Variants in ANKS1A observed in about 807,000 individuals in gnomAD.
ANKS1A encodes ankyrin repeat and sterile alpha motif domain containing 1A.
ANKS1A carries 55 observed loss-of-function variants against 120.3 expected under a neutral mutation model. The ratio of observed to expected loss-of-function variants is 0.46; its 90% CI spans 0.37 to 0.57. ANKS1A has a LOEUF of 0.57. Among genes scored for constraint, ANKS1A ranks in the 20% least tolerant of loss-of-function variants. The probability of loss-of-function intolerance (pLI) is 0.00; values close to 1 mark genes in which losing one functional copy is unlikely to be tolerated. For synonymous variants in ANKS1A, 590 were observed against 604.7 expected (o/e 0.98, Z 0.36); for missense variants, 1,123 against 1,480.3 (o/e 0.76, Z 3.96).
intron 1 of ANKS1A, among the ~76,000 whole-genome samples, chr6:34,898,055 G>C (rs774561379): frequency 1.6e-4 from 25 of 152,172 alleles, no homozygotes; most frequent in Non-Finnish European, 4.4e-5. Context: ...ATGAGCTAAA[G>C]GATGTAAGGC....
At chr6:34,917,008 A>AT (rs1226604417) in intron 1 of ANKS1A, among the ~76,000 whole-genome samples, 1 of 152,080 alleles carries the variant, frequency 6.6e-6, no homozygotes, top group Non-Finnish European at 1.5e-5. Flanking sequence ...AGAATGGCTG[A>AT]TATTTAAGGG....
At chr6:35,017,389 T>A in intron 10 of ANKS1A, 84 bp from the exon 11 acceptor site, 1 of 1,400,746 alleles carries the variant, frequency 7.1e-7, no homozygotes, top group African/African-American at 1.4e-5. Context: ...TTCCTCTGCT[T>A]TGCCATATGC....
chr6:35,089,778 T>C lies in ANKS1A; in HGVS notation c.*1169T>C, dbSNP rs1008818129. The C allele has an allele frequency of 3.2e-5, 33 of 1,018,860 alleles. No individual in the cohort carries two copies. The highest frequency in any genetic ancestry group is 3.8e-5 in the Non-Finnish European group (32 of 850,920). 63.1% of individuals were successfully genotyped at this position (1,018,860 alleles called of 1,614,324 possible). A position where few individuals can be genotyped will look rare whatever the true frequency, so the allele number is the denominator to read the frequency against. ...TTGGGTTGCATTCTTCCCTCTGGAC[T>C]AGAGTAGAAATGCAGGGGAAACTGC... On this transcript the variant is annotated 3_prime_UTR_variant, in exon 24 of 24. Coordinates refer to ENST00000360359, the MANE Select transcript of ANKS1A (RefSeq NM_015245.3).
chr6:35,059,108 CCTGCCTGCTT>C (rs1302229383), intron 12 of ANKS1A, among the ~76,000 whole-genome samples: 14 of 152,252 alleles, frequency 9.2e-5, no homozygotes. Flanking sequence ...ACTGAATTTG[CCTGCCTGCTT>C]TCTACCTGAG....
Position 35,087,017 on chromosome 6 carries a change from C to A in ANKS1A, c.3369C>A (p.Pro1123=). The change falls in exon 23 of 24, where the codon CCC becomes CCA. Residue 1123 remains proline (P), a synonymous_variant. Coordinates refer to ENST00000360359, the MANE Select transcript of ANKS1A (RefSeq NM_015245.3). The part of the protein sequence containing the change: ...SHASVSWVVD[P]KPDSKRSLST... The stretch of plus-strand genomic sequence containing the variant: ...CCAGTGTCTCCTGGGTTGTGGACCC[C>A]AAACCAGACTCTAAGCGGAGCCTCA... The A allele has an allele frequency of 6.2e-7, 1 of 1,614,202 alleles. No homozygotes were observed. The highest frequency in any genetic ancestry group is 8.5e-7 in the Non-Finnish European group (1 of 1,180,022).
intron 13 of ANKS1A, among the ~76,000 whole-genome samples, chr6:35,071,431 A>G (rs1006437520): frequency 6.6e-6 from 1 of 152,178 alleles, no homozygotes; most frequent in Middle Eastern, 3.2e-3. Context: ...TCTTGTTGCT[A>G]CAGAGTCCGC....
chr6:34,900,078 T>C (rs926701872), intron 1 of ANKS1A, among the ~76,000 whole-genome samples: 9 of 152,362 alleles, frequency 5.9e-5, no homozygotes, highest in African/African-American at 1.9e-4. Flanking sequence ...TTTACATACA[T>C]GTATTTGCTC....
At chr6:34,924,339 A>C (rs1012747823) in intron 1 of ANKS1A, among the ~76,000 whole-genome samples, 4 of 152,174 alleles carry the variant, frequency 2.6e-5, no homozygotes, top group African/African-American at 9.7e-5. Flanking sequence ...CTCATAAAAA[A>C]GTTGAAGATT....
At chr6:35,092,856 T>C (rs1778349025), downstream of ANKS1A, among the ~76,000 whole-genome samples, 1 of 152,164 alleles carries the variant, frequency 6.6e-6, no homozygotes, top group Non-Finnish European at 1.5e-5. Flanking sequence ...CTCAGGCTCC[T>C]AGACAGCTGG....
chr6:35,008,020 C>T (rs935096522), intron 10 of ANKS1A, among the ~76,000 whole-genome samples: 1 of 152,114 alleles, frequency 6.6e-6, no homozygotes, highest in African/African-American at 2.4e-5. Context: ...CCCACTTTTA[C>T]TGTTGGTTTA....
rs116937088 is a variant in ANKS1A at position 34,979,807 on chromosome 6, C to T, written c.436-1883C>T. Among the ~76,000 whole-genome samples the T allele has an allele frequency of 2.9e-4, 44 of 152,290 alleles. No homozygotes were observed. In the East Asian group the frequency reaches 7.9e-3, roughly 27 times the overall value. Reference sequence around the variant, plus strand: ...CTTTCTTGGCTCTTTCTATCACACTCATCTTGAGATGTACAACCTGGAGAA... The same window carrying T: ...CTTTCTTGGCTCTTTCTATCACACTTATCTTGAGATGTACAACCTGGAGAA... On this transcript the variant is annotated intron_variant, in intron 3 of 23. Coordinates refer to ENST00000360359, the MANE Select transcript of ANKS1A (RefSeq NM_015245.3).
intron 11 of ANKS1A, 65 bp downstream of exon 11, chr6:35,018,124 C>G: frequency 6.7e-7 from 1 of 1,495,694 alleles, no homozygotes. Flanking sequence ...ACCACAGCTC[C>G]CGTGAGTGCC....
intron 11 of ANKS1A, among the ~76,000 whole-genome samples, chr6:35,041,834 G>A (rs1732470620): frequency 6.6e-6 from 1 of 152,200 alleles, no homozygotes; most frequent in South Asian, 2.1e-4. Context: ...CCAGAGGGAG[G>A]TGACCAGTCT....
At chr6:35,074,637 C>T (rs563292441) in intron 13 of ANKS1A, among the ~76,000 whole-genome samples, 44 of 152,312 alleles carry the variant, frequency 2.9e-4, no homozygotes, top group Admixed American at 1.0e-3. Context: ...TAGATTTGGT[C>T]CCAGAGCCAC....
chr6:34,968,583 G>T (rs911674834), intron 2 of ANKS1A, among the ~76,000 whole-genome samples: 9 of 151,824 alleles, frequency 5.9e-5, no homozygotes, highest in Admixed American at 5.2e-4. Flanking sequence ...GATTACAGGC[G>T]CCCGCCACCA....
intron 1 of ANKS1A, among the ~76,000 whole-genome samples, chr6:34,922,260 A>G (rs953110814): frequency 6.6e-6 from 1 of 152,146 alleles, no homozygotes; most frequent in Non-Finnish European, 1.5e-5. Flanking sequence ...TGGCACTGTT[A>G]TCCCCATTTT....
intron 11 of ANKS1A, among the ~76,000 whole-genome samples, chr6:35,047,309 T>A (rs1332247765): frequency 2.0e-5 from 3 of 152,326 alleles, no homozygotes; most frequent in East Asian, 3.9e-4. Context: ...AAGACCCCTT[T>A]CCCTGGCCAC....
rs755330516 is a variant in ANKS1A at position 35,079,579 on chromosome 6, G to T, written c.2347G>T (p.Gly783Trp). 8 of 1,614,046 alleles carry T rather than the reference G, an allele frequency of 5.0e-6. No individual in the cohort carries two copies. In the East Asian group the frequency reaches 1.8e-4, roughly 36 times the overall value. ...PSVPSWLDSL[G>W]LQDYVHSFLS... ...CGTGCCCTCCTGGCTGGACTCCCTG[G>T]GGCTGCAGGACTACGTCCATTCCTT... Residue 783 changes from glycine to tryptophan, a missense_variant, in exon 15 of 24, where the codon GGG becomes TGG. Physicochemically the swap from Gly to Trp is radical, Grantham distance 184. Around this residue, in one of 3 missense-constraint regions of ANKS1A, gnomAD observed 904 missense variants for 1,130.4 expected, o/e 0.80. Coordinates refer to ENST00000360359, the MANE Select transcript of ANKS1A (RefSeq NM_015245.3).
chr6:35,036,571 C>T (rs964903017), intron 11 of ANKS1A, among the ~76,000 whole-genome samples: 1 of 152,156 alleles, frequency 6.6e-6, no homozygotes, highest in African/African-American at 2.4e-5. Context: ...CCAGGTCTCT[C>T]GAGATTTGTT....
Sources: gnomAD v4.1 joint callset for allele counts (sites outside exome capture counted in the v4.1 genomes callset) on GRCh38, gnomAD v4.1.1 for gene constraint, gnomAD v4.1.1 regional missense constraint, MANE v1.5 for transcripts, NCBI Gene and HGNC (gene_info 2026-07-23, HGNC 2026-07-21) for gene names.